SYN3: variants seen among roughly 807,000 people sequenced by gnomAD.
The protein encoded by SYN3 is synapsin-3.
A neutral mutation model predicts 65.8 loss-of-function variants in SYN3; 35 were observed. That is an observed-to-expected ratio of 0.53 (90% CI 0.41 to 0.70). SYN3 has a LOEUF of 0.70. SYN3 is among the 30% of genes least tolerant of loss of function. The pLI, the probability that SYN3 is intolerant of heterozygous loss-of-function variation, is 0.00. For missense variants in SYN3, 680 were observed against 749.0 expected (o/e 0.91, Z 1.08); for synonymous variants, 270 against 292.9 (o/e 0.92, Z 0.80).
chr22:32,612,520 G>A (rs16990846), intron 6 of SYN3, among the ~76,000 whole-genome samples: 35,427 of 152,126 alleles, frequency 0.23, 4,312 homozygotes, highest in Middle Eastern at 0.32. Context: ...AAATAGTTTC[G>A]CTTTAGGGGC....
At chr22:32,594,572 C>T (rs909417296) in intron 7 of SYN3, among the ~76,000 whole-genome samples, 22 of 152,034 alleles carry the variant, frequency 1.4e-4, no homozygotes, top group African/African-American at 5.3e-4. Flanking sequence ...ACCGCAACCT[C>T]CACCTCCCAG....
intron 4 of SYN3, among the ~76,000 whole-genome samples, chr22:32,903,637 C>A (rs1009258392): frequency 6.6e-6 from 1 of 152,210 alleles, no homozygotes; most frequent in East Asian, 1.9e-4. Context: ...TGGTTACCAT[C>A]GGCCTCCAGG....
intron 13 of SYN3, 108 bp from the exon 14 acceptor site, chr22:32,513,932 G>C: frequency 7.2e-7 from 1 of 1,393,308 alleles, no homozygotes; most frequent in Non-Finnish European, 9.8e-7. Context: ...ATCATCATAA[G>C]GTTATGAAGA....
intron 6 of SYN3, among the ~76,000 whole-genome samples, chr22:32,841,569 G>A (rs1265104232): frequency 6.6e-6 from 1 of 151,980 alleles, no homozygotes; most frequent in Non-Finnish European, 1.5e-5. Context: ...TGGATGGGTC[G>A]AATTTGAGAT....
intron 6 of SYN3, among the ~76,000 whole-genome samples, chr22:32,692,155 CAAAA>C (rs1188224009): frequency 8.7e-5 from 3 of 34,494 alleles, no homozygotes; most frequent in African/African-American, 5.7e-4. Flanking sequence ...GACAAAAAGA[CAAAA>C]AAAAAAAAAA....
intron 6 of SYN3, among the ~76,000 whole-genome samples, chr22:32,710,468 T>C (rs964705262): frequency 1.3e-5 from 2 of 151,164 alleles, no homozygotes; most frequent in Non-Finnish European, 2.9e-5. Context: ...CTGACTCTAC[T>C]AAAAATACAA....
intron 6 of SYN3, among the ~76,000 whole-genome samples, chr22:32,806,521 C>T (rs1279163258): frequency 1.3e-5 from 2 of 152,204 alleles, no homozygotes; most frequent in Non-Finnish European, 2.9e-5. Flanking sequence ...CCTTGAGAGG[C>T]AGGGTGGAGT....
intron 8 of SYN3, 55 bp downstream of exon 8, chr22:32,541,516 C>A: frequency 6.2e-7 from 1 of 1,604,572 alleles, no homozygotes; most frequent in Non-Finnish European, 8.5e-7. Flanking sequence ...GCTGGACATG[C>A]ACCTCTGGGC....
intron 6 of SYN3, among the ~76,000 whole-genome samples, chr22:32,793,185 T>C (rs1203280899): frequency 1.3e-5 from 2 of 152,218 alleles, no homozygotes; most frequent in East Asian, 3.8e-4. Context: ...AGCAGGGAGA[T>C]GATTATTTAT....
chr22:32,574,235 A>G (rs1395516307), intron 7 of SYN3, among the ~76,000 whole-genome samples: 7 of 151,952 alleles, frequency 4.6e-5, no homozygotes, highest in African/African-American at 1.7e-4. Flanking sequence ...AATCCCAGCC[A>G]CTCGGGAGGC....
intron 3 of SYN3, among the ~76,000 whole-genome samples, chr22:32,962,129 CTTTTTTT>C (rs58025844): frequency 0.1 from 10,753 of 107,080 alleles, 514 homozygotes; most frequent in African/African-American, 0.21. Flanking sequence ...TTTAGAATCT[CTTTTTTT>C]TTTTTTTTTT....
intron 6 of SYN3, among the ~76,000 whole-genome samples, chr22:32,679,054 T>TC (rs2060486732): frequency 7.3e-6 from 1 of 136,872 alleles, no homozygotes; most frequent in African/African-American, 2.7e-5. Context: ...CTTTCTTTTT[T>TC]TTTTTTTTTT....
chr22:32,609,575 C>T (rs530991420), intron 6 of SYN3, among the ~76,000 whole-genome samples: 1 of 150,634 alleles, frequency 6.6e-6, no homozygotes, highest in East Asian at 2.0e-4. Context: ...CTCCTGTACT[C>T]AAGTAATCCT....
At chr22:32,812,216 T>C (rs2046934461) in intron 6 of SYN3, among the ~76,000 whole-genome samples, 1 of 152,208 alleles carries the variant, frequency 6.6e-6, no homozygotes, top group African/African-American at 2.4e-5. Context: ...CTCTCTACTT[T>C]AGCTGAATAA....
chr22:32,544,685 C>T (rs545100267), intron 7 of SYN3, among the ~76,000 whole-genome samples: 3 of 152,312 alleles, frequency 2.0e-5, no homozygotes, highest in African/African-American at 7.2e-5. Flanking sequence ...TCCAATGCCC[C>T]TTTGATTATC....
At chr22:33,030,263 G>A (rs1185450595) in intron 1 of SYN3, among the ~76,000 whole-genome samples, 3 of 152,176 alleles carry the variant, frequency 2.0e-5, no homozygotes, top group East Asian at 1.9e-4. Context: ...GAAAACACAC[G>A]GTGCCAAATA....
At chr22:32,988,350 A>ATAAAG (rs2052598677) in intron 2 of SYN3, among the ~76,000 whole-genome samples, 1 of 148,916 alleles carries the variant, frequency 6.7e-6, no homozygotes, top group Non-Finnish European at 1.5e-5. Flanking sequence ...TAATAATAAA[A>ATAAAG]TAAATAGATA....
chr22:32,901,093 G>C (rs1468251493), intron 4 of SYN3, among the ~76,000 whole-genome samples: 1 of 152,222 alleles, frequency 6.6e-6, no homozygotes, highest in Non-Finnish European at 1.5e-5. Flanking sequence ...GTCTAGCTGG[G>C]TACTGGGAGC....
chr22:32,928,189 G>A (rs1253609226), intron 4 of SYN3, among the ~76,000 whole-genome samples: 1 of 152,126 alleles, frequency 6.6e-6, no homozygotes, highest in Non-Finnish European at 1.5e-5. Flanking sequence ...AATTAGCTGG[G>A]CATGGTGGTG....
Sources: allele counts gnomAD v4.1 joint callset (sites outside exome capture counted in the v4.1 genomes callset), GRCh38; gene constraint gnomAD v4.1.1; transcripts MANE v1.5; gene names NCBI Gene and HGNC (gene_info 2026-07-23, HGNC 2026-07-21).